MAP7: variants seen among roughly 807,000 people sequenced by gnomAD.
MAP7 encodes the protein microtubule associated protein 7, also known as ensconsin.
A neutral mutation model predicts 94.8 loss-of-function variants in MAP7; 52 were observed. That is an observed-to-expected ratio of 0.55 (90% CI 0.44 to 0.69). MAP7 has a LOEUF of 0.69. Ranked by LOEUF, MAP7 falls within the 30% of genes least tolerant of loss-of-function variation. MAP7 has a pLI of 0.00. For missense variants in MAP7, 940 were observed against 964.6 expected (o/e 0.97, Z 0.34); for synonymous variants, 350 against 357.0 (o/e 0.98, Z 0.22).
At chr6:136,460,754 G>A (rs1355960080) in intron 1 of MAP7, among the ~76,000 whole-genome samples, 1 of 151,928 alleles carries the variant, frequency 6.6e-6, no homozygotes, top group African/African-American at 2.4e-5. Flanking sequence ...TAGAGTTGCT[G>A]TCATAATAAA....
At chr6:136,346,377 A>T (rs905238889) in intron 16 of MAP7, among the ~76,000 whole-genome samples, 1 of 152,080 alleles carries the variant, frequency 6.6e-6, no homozygotes, top group African/African-American at 2.4e-5. Context: ...AGCCTGGTAA[A>T]CATAGCAAGA....
intron 1 of MAP7, among the ~76,000 whole-genome samples, chr6:136,543,414 T>C (rs7741184): frequency 0.27 from 41,561 of 152,146 alleles, 7,386 homozygotes; most frequent in African/African-American, 0.5. Context: ...TTTGGGATAC[T>C]GAGGCGGGTG....
intron 1 of MAP7, among the ~76,000 whole-genome samples, chr6:136,492,460 T>C (rs147183337): frequency 2.2e-4 from 33 of 152,330 alleles, no homozygotes; most frequent in Non-Finnish European, 3.7e-4. Flanking sequence ...ATAAGTGTCA[T>C]CTGTTGCAAA....
intron 17 of MAP7, among the ~76,000 whole-genome samples, 193 bp from the exon 18 acceptor site, chr6:136,344,431 T>G (rs981465337): frequency 4.6e-5 from 7 of 152,208 alleles, no homozygotes; most frequent in African/African-American, 1.7e-4. Flanking sequence ...AGGAAACATA[T>G]GTTCTTTTCT....
chr6:136,416,961 TA>T (rs991259706), intron 2 of MAP7, among the ~76,000 whole-genome samples: 1 of 151,322 alleles, frequency 6.6e-6, no homozygotes, highest in African/African-American at 2.4e-5. Flanking sequence ...CCACCAAAAA[TA>T]AAAAAAATTA....
chr6:136,450,468 C>T (rs1800762538), intron 1 of MAP7, among the ~76,000 whole-genome samples: 2 of 151,774 alleles, frequency 1.3e-5, no homozygotes, highest in African/African-American at 2.4e-5. Flanking sequence ...TAATCTAGTA[C>T]TTCCAAATAA....
At chr6:136,370,297 A>C (rs1774053641) in intron 8 of MAP7, among the ~76,000 whole-genome samples, 1 of 152,226 alleles carries the variant, frequency 6.6e-6, no homozygotes, top group Admixed American at 6.5e-5. Flanking sequence ...GAGATACAGA[A>C]ATCTTTGTGC....
chr6:136,405,642 C>T (rs1437749024), intron 3 of MAP7, among the ~76,000 whole-genome samples: 15 of 152,194 alleles, frequency 9.9e-5, no homozygotes. Flanking sequence ...GCAGGCCTGG[C>T]AGGCCATATT....
chr6:136,487,934 G>A (rs950477158), intron 1 of MAP7, among the ~76,000 whole-genome samples: 1 of 152,190 alleles, frequency 6.6e-6, no homozygotes, highest in South Asian at 2.1e-4. Flanking sequence ...TCTGTTAAGA[G>A]TCATACTTAT....
At chr6:136,383,057 C>T (rs1275674019) in intron 6 of MAP7, among the ~76,000 whole-genome samples, 1 of 151,972 alleles carries the variant, frequency 6.6e-6, no homozygotes, top group Non-Finnish European at 1.5e-5. Context: ...AAAATTCAAA[C>T]AAGATGTTAA....
intron 1 of MAP7, among the ~76,000 whole-genome samples, chr6:136,444,926 A>C (rs1798873413): frequency 6.6e-6 from 1 of 152,160 alleles, no homozygotes; most frequent in Non-Finnish European, 1.5e-5. Context: ...ATTATTCTGA[A>C]AGAGGTCTGA....
chr6:136,423,307 T>A (rs559533262), intron 1 of MAP7, among the ~76,000 whole-genome samples: 1 of 152,280 alleles, frequency 6.6e-6, no homozygotes, highest in South Asian at 2.1e-4. Flanking sequence ...GGGGAAAACA[T>A]CTACTTTCAG....
intron 10 of MAP7, 22 bp downstream of exon 10, chr6:136,365,713 C>T (rs781463045): frequency 2.0e-5 from 32 of 1,608,830 alleles, no homozygotes; most frequent in East Asian, 4.5e-5. Context: ...AGCACCCAGA[C>T]CACAGGTGAG....
chr6:136,360,915 C>T, intron 12 of MAP7, 90 bp downstream of exon 12: 1 of 1,544,168 alleles, frequency 6.5e-7, no homozygotes, highest in Non-Finnish European at 8.8e-7. Flanking sequence ...AAAGCGGGAG[C>T]ACCAGCAGTC....
chr6:136,360,054 C>A, intron 13 of MAP7, 23 bp from the exon 14 acceptor site: 3 of 1,592,110 alleles, frequency 1.9e-6, no homozygotes, highest in East Asian at 2.2e-5. Context: ...AAGAATTGAG[C>A]AAGAAGATTA....
Position 136,550,049 on chromosome 6 carries a change from C to T in MAP7, c.67+293G>A, listed in dbSNP as rs1177944555. On this transcript the variant is annotated intron_variant, in intron 1 of 17. Coordinates refer to ENST00000354570, the MANE Select transcript of MAP7 (RefSeq NM_003980.6). This position sits in a 1 kb window ranked among gnomAD's most constrained non-coding sequence, Gnocchi z 5.1. Reference sequence around the variant, plus strand: ...GGGGAGGGCAGCGGCCGGGGTCTCTCCGTTTCCTCCCCCGGCTCGCCTCCA... The same window carrying T: ...GGGGAGGGCAGCGGCCGGGGTCTCTTCGTTTCCTCCCCCGGCTCGCCTCCA... Among the ~76,000 whole-genome samples the T allele has an allele frequency of 6.6e-6, 1 of 151,828 alleles. No individual in the cohort carries two copies. The highest frequency in any genetic ancestry group is 1.5e-5 in the Non-Finnish European group (1 of 67,878).
Position 136,396,386 on chromosome 6 carries a change from A to AT in MAP7, c.245-6870dup, listed in dbSNP as rs1190090893. ...TTGTCACTGAGTTACAGAAACACTGATTTTTTATGTTAATTTTGTACCTTG... is the reference window on the plus strand; with the variant it reads ...TTGTCACTGAGTTACAGAAACACTGATTTTTTTATGTTAATTTTGTACCTTG... On this transcript the variant is annotated intron_variant, in intron 3 of 17. Transcript: ENST00000354570. Among the ~76,000 whole-genome samples the AT allele has an allele frequency of 5.3e-5, 8 of 152,118 alleles. No individual in the cohort carries two copies. The South Asian group carries it at 1.2e-3, about 24-fold the overall frequency.
intron 1 of MAP7, among the ~76,000 whole-genome samples, chr6:136,424,073 C>T (rs1792363568): frequency 6.6e-6 from 1 of 152,114 alleles, no homozygotes; most frequent in Admixed American, 6.5e-5. Flanking sequence ...GCTGGGATTA[C>T]AGGTGTGAGC....
intron 2 of MAP7, among the ~76,000 whole-genome samples, chr6:136,412,451 G>A (rs566708340): frequency 1.3e-5 from 2 of 151,946 alleles, no homozygotes; most frequent in African/African-American, 4.8e-5. Context: ...GAAAGAAGGA[G>A]AAAAATACAG....
Sources: gnomAD v4.1 joint callset for allele counts (sites outside exome capture counted in the v4.1 genomes callset) on GRCh38, gnomAD v4.1.1 for gene constraint, Gnocchi (gnomAD v3.1) non-coding constraint, MANE v1.5 for transcripts, NCBI Gene and HGNC (gene_info 2026-07-23, HGNC 2026-07-21) for gene names.